Variants in LRRIQ1 observed in about 807,000 individuals in gnomAD.
LRRIQ1 encodes the protein leucine-rich repeat- and IQ domain-containing protein 1.
In LRRIQ1, 210 loss-of-function variants were observed where a neutral mutation model predicts 211.9. The ratio of observed to expected loss-of-function variants is 0.99; its 90% CI spans 0.89 to 1.11. The LOEUF (loss-of-function observed/expected upper bound fraction) is 1.11. Ranked by LOEUF, LRRIQ1 falls within the 50% of genes most tolerant of loss-of-function variation. The pLI, the probability that LRRIQ1 is intolerant of heterozygous loss-of-function variation, is 0.00. For synonymous variants in LRRIQ1, 699 were observed against 650.1 expected, an observed-to-expected ratio of 1.08 and a Z score of -1.14; for missense variants, 2,136 against 1,939.5, an observed-to-expected ratio of 1.10 and a Z score of -1.90.
Position 85,193,028 on chromosome 12 carries a change from AT to A in LRRIQ1, c.4822+32316del, listed in dbSNP as rs1303847987. 2.6e-4 allele frequency among the ~76,000 whole-genome samples: 26 copies of A among 100,720 alleles called. 1 individual carries two copies. Among genetic ancestry groups the A allele is most frequent in the East Asian group, 1.5e-3 (5 of 3,372 alleles). The allele number at this position is 100,720 out of a possible 152,430, so 66.1% of individuals were successfully genotyped here. A position where few individuals can be genotyped will look rare whatever the true frequency, so the allele number is the denominator to read the frequency against. ...AAATATATAATTATATAATATATTT[AT>A]TATATTATATTTATAATAAATATAA... On this transcript the variant is annotated intron_variant, in intron 24 of 26. Transcript: ENST00000393217.
chr12:85,073,108 G>A lies in LRRIQ1; in HGVS notation c.2887+10G>A. The A allele has an allele frequency of 6.4e-7, 1 of 1,572,848 alleles. No individual in the cohort carries two copies. Among genetic ancestry groups the A allele is most frequent in the African/African-American group, 1.4e-5 (1 of 73,106 alleles). ...CACTTATACTGGAATTGTAAGTTGT[G>A]TTTATTTTTTATTTTGTTACTCTTT... On this transcript the variant is annotated intron_variant, in intron 11 of 26. Transcript: ENST00000393217.
intron 11 of LRRIQ1, among the ~76,000 whole-genome samples, chr12:85,073,564 G>A (rs1883323992): frequency 6.6e-6 from 1 of 152,056 alleles, no homozygotes; most frequent in Non-Finnish European, 1.5e-5. Context: ...TTCATTGCCA[G>A]CAGTGCTGTA....
chr12:85,128,113 C>T (rs1888511274), intron 18 of LRRIQ1, 80 bp downstream of exon 18: 1 of 1,057,764 alleles, frequency 9.5e-7, no homozygotes, highest in Non-Finnish European at 1.4e-6. Flanking sequence ...TTAAAAATAA[C>T]CTCCAAATCT....
intron 26 of LRRIQ1, among the ~76,000 whole-genome samples, chr12:85,237,239 A>G (rs1593010231): frequency 6.6e-6 from 1 of 152,130 alleles, no homozygotes; most frequent in Non-Finnish European, 1.5e-5. Context: ...CAGGCAGCAC[A>G]GGACTATGAT....
intron 11 of LRRIQ1, among the ~76,000 whole-genome samples, chr12:85,089,804 G>T (rs1050915283): frequency 6.6e-6 from 1 of 152,172 alleles, no homozygotes; most frequent in Non-Finnish European, 1.5e-5. Context: ...CTGGCATATG[G>T]TAGAGAAAGA....
In LRRIQ1 at chr12:85,052,261, T is replaced by A. The variant is rs1880432649; in HGVS notation, c.753+10T>A. On this transcript the variant is annotated intron_variant, in intron 7 of 26. Coordinates refer to ENST00000393217, the MANE Select transcript of LRRIQ1 (RefSeq NM_001079910.2). ...ATTTAAACAGCATGAGGTATCTATTTGTTGTTTTTATTTAGCACATTAAGC... is the reference window on the plus strand; with the variant it reads ...ATTTAAACAGCATGAGGTATCTATTAGTTGTTTTTATTTAGCACATTAAGC... The A allele has an allele frequency of 7.2e-7, 1 of 1,396,676 alleles. No individual in the cohort carries two copies. Among genetic ancestry groups the A allele is most frequent in the African/African-American group, 1.5e-5 (1 of 68,842 alleles). 86.5% of individuals were successfully genotyped at this position (1,396,676 alleles called of 1,614,324 possible). A position where few individuals can be genotyped will look rare whatever the true frequency, so the allele number is the denominator to read the frequency against.
chr12:85,212,244 A>C (rs1172311124), intron 24 of LRRIQ1, among the ~76,000 whole-genome samples: 1 of 152,166 alleles, frequency 6.6e-6, no homozygotes, highest in Non-Finnish European at 1.5e-5. Flanking sequence ...CTGAGATCAC[A>C]CCACTGCACT....
intron 3 of LRRIQ1, among the ~76,000 whole-genome samples, chr12:85,041,510 AAGCTG>A (rs1878884704): frequency 6.6e-6 from 1 of 151,602 alleles, no homozygotes; most frequent in Non-Finnish European, 1.5e-5. Flanking sequence ...AATGAATGTA[AAGCTG>A]AGCCACATGG....
chr12:85,050,036 A>G (rs1472039244), intron 6 of LRRIQ1, among the ~76,000 whole-genome samples: 1 of 152,126 alleles, frequency 6.6e-6, no homozygotes, highest in East Asian at 1.9e-4. Context: ...AATGCCTGAC[A>G]CTGGGTAATT....
At chr12:85,158,101 A>G (rs969061851) in intron 23 of LRRIQ1, among the ~76,000 whole-genome samples, 21 of 152,022 alleles carry the variant, frequency 1.4e-4, no homozygotes, top group African/African-American at 5.1e-4. Flanking sequence ...TTACTGTGTT[A>G]TGCTCTCAAC....
intron 11 of LRRIQ1, among the ~76,000 whole-genome samples, chr12:85,089,202 G>C (rs527658705): frequency 2.6e-5 from 4 of 152,178 alleles, no homozygotes; most frequent in African/African-American, 9.7e-5. Flanking sequence ...AGATAATCAT[G>C]TGGTTTTTGT....
chr12:85,145,461 T>A (rs1889827009), intron 19 of LRRIQ1, among the ~76,000 whole-genome samples: 1 of 151,658 alleles, frequency 6.6e-6, no homozygotes, highest in Admixed American at 6.6e-5. Flanking sequence ...TTTACCCTAA[T>A]TTATTAAGTG....
At chr12:85,267,865 T>A (rs111954248), downstream of LRRIQ1, among the ~76,000 whole-genome samples, 7 of 152,162 alleles carry the variant, frequency 4.6e-5, 1 homozygote, top group African/African-American at 1.7e-4. Context: ...CTTGCTCTGA[T>A]GGGCATCTTG....
chr12:85,171,301 C>A (rs1891403693), intron 24 of LRRIQ1, among the ~76,000 whole-genome samples: 1 of 151,978 alleles, frequency 6.6e-6, no homozygotes, highest in South Asian at 2.1e-4. Context: ...CATTTAGAAT[C>A]CAATAAAGAG....
At chr12:85,174,700 T>TAAAAAAAAAAAAAAAAAAAAAAA (rs1565884602) in intron 24 of LRRIQ1, among the ~76,000 whole-genome samples, 1 of 12,462 alleles carries the variant, frequency 8.0e-5, no homozygotes, top group Admixed American at 1.0e-3. Context: ...AGAGTACAGC[T>TAAAAAAAAAAAAAAAAAAAAAAA]CAAAAAAAAA....
At chr12:85,170,982 T>C (rs1891390377) in intron 24 of LRRIQ1, among the ~76,000 whole-genome samples, 1 of 152,116 alleles carries the variant, frequency 6.6e-6, no homozygotes, top group Non-Finnish European at 1.5e-5. Flanking sequence ...CAGTTTTTCA[T>C]ATAAAATATC....
chr12:85,242,252 A>G (rs761726463), intron 26 of LRRIQ1, among the ~76,000 whole-genome samples: 48 of 152,010 alleles, frequency 3.2e-4, no homozygotes, highest in Non-Finnish European at 1.0e-4. Flanking sequence ...GTGATCAGTT[A>G]TCTTCAGGTT....
intron 13 of LRRIQ1, among the ~76,000 whole-genome samples, chr12:85,099,347 A>G (rs1886164083): frequency 6.6e-6 from 1 of 151,856 alleles, no homozygotes; most frequent in Non-Finnish European, 1.5e-5. Context: ...AGGATGTCTC[A>G]TTCTCTCAAA....
At chr12:85,167,938 A>G (rs1435332082) in intron 24 of LRRIQ1, among the ~76,000 whole-genome samples, 1 of 152,214 alleles carries the variant, frequency 6.6e-6, no homozygotes, top group Non-Finnish European at 1.5e-5. Flanking sequence ...CCTAAATGCT[A>G]TTACATAAAG....
Sources: gnomAD v4.1 joint callset for allele counts (sites outside exome capture counted in the v4.1 genomes callset) on GRCh38, gnomAD v4.1.1 for gene constraint, MANE v1.5 for transcripts, NCBI Gene and HGNC (gene_info 2026-07-23, HGNC 2026-07-21) for gene names.